PCDHGA6: variants seen among roughly 807,000 people sequenced by gnomAD.
PCDHGA6 encodes protocadherin gamma subfamily A, 6, also known as protocadherin gamma-A6.
PCDHGA6 carries 41 observed loss-of-function variants against 60.6 expected under a neutral mutation model. The ratio of observed to expected loss-of-function variants is 0.68; its 90% CI spans 0.53 to 0.88. The LOEUF (loss-of-function observed/expected upper bound fraction) is 0.88, where lower values mean the gene tolerates loss of function less well. Ranked by LOEUF, PCDHGA6 falls within the 40% of genes least tolerant of loss-of-function variation. The pLI, the probability that PCDHGA6 is intolerant of heterozygous loss-of-function variation, is 0.00. For missense variants in PCDHGA6, 1,312 were observed against 1,203.0 expected (o/e 1.09, Z -1.34); for synonymous variants, 594 against 524.4 (o/e 1.13, Z -1.81).
rs568123995 is a variant in PCDHGA6 at position 141,511,539 on chromosome 5, C to G, written c.*366C>G. The G allele has an allele frequency of 3.0e-5, 10 of 328,342 alleles. No individual in the cohort carries two copies. The highest frequency in any genetic ancestry group is 2.1e-4 in the African/African-American group (10 of 47,452). The allele number at this position is 328,342 out of a possible 1,614,324, so 20.3% of individuals were successfully genotyped here. ...CATCCCATGCCTCCCTCCTCCCCAC[C>G]CCACTCCAACAGTTCCTCTTTCCCG... On this transcript the variant is annotated 3_prime_UTR_variant, in exon 4 of 4. Transcript: ENST00000517434.
At chr5:141,384,686 A>G (rs1314292313) in intron 1 of PCDHGA6, 1 of 1,613,842 alleles carries the variant, frequency 6.2e-7, no homozygotes, top group African/African-American at 1.3e-5. Context: ...GCGGTGGACA[A>G]AGATTCAGGC....
At position 141,431,549 on chromosome 5, in the gene PCDHGA6, G is replaced by A. The variant is rs750427346; in HGVS notation, c.2424+55042G>A. ...GGCCTTGGGCACGCAGCTGCTTGTA[G>A]TCAACGCTACCGACCCTGACGAAGG... On this transcript the variant is annotated intron_variant, in intron 1 of 3. Coordinates refer to ENST00000517434, the MANE Select transcript of PCDHGA6 (RefSeq NM_018919.3). This position sits in a 1 kb window ranked among gnomAD's most constrained non-coding sequence, Gnocchi z 4.8. The A allele has an allele frequency of 6.2e-7, 1 of 1,614,156 alleles. No homozygotes were observed. Among genetic ancestry groups the A allele is most frequent in the South Asian group, 1.1e-5 (1 of 91,090 alleles).
Position 141,376,232 on chromosome 5 carries a change from C to A in PCDHGA6, c.2149C>A (p.Gln717Lys), listed in dbSNP as rs750982276. 6.7e-5 allele frequency: 108 copies of A among 1,614,106 alleles called. No homozygotes were observed. The highest frequency in any genetic ancestry group is 9.0e-5 in the Non-Finnish European group (106 of 1,180,056). ...FVIVLLALRLQRWHKSRLLQA... is the reference protein window; with the variant it reads ...FVIVLLALRLKRWHKSRLLQA... ...CATCGTGCTGCTGGCGCTCAGACTG[C>A]AGCGCTGGCACAAGTCACGCCTGCT... is the stretch of plus-strand genomic sequence containing the variant. The change falls in exon 1 of 4, where the codon CAG becomes AAG. Residue 717 changes from glutamine to lysine, a missense_variant. By Grantham distance (53) the Gln-to-Lys change is moderately conservative. Coordinates refer to ENST00000517434, the MANE Select transcript of PCDHGA6 (RefSeq NM_018919.3).
At chr5:141,418,233 A>T in intron 1 of PCDHGA6, 1 of 1,614,048 alleles carries the variant, frequency 6.2e-7, no homozygotes, top group Non-Finnish European at 8.5e-7. Flanking sequence ...GTGATTGAGG[A>T]TGTTAATGAC....
intron 1 of PCDHGA6, chr5:141,417,260 G>A (rs1362206061): frequency 1.3e-5 from 2 of 152,174 alleles, no homozygotes; most frequent in Non-Finnish European, 2.9e-5. Context: ...CAGCTTCATA[G>A]ATAATTACTC....
In PCDHGA6 at chr5:141,490,706, T is replaced by C. The variant is rs777636562; in HGVS notation, c.2425-4101T>C. On this transcript the variant is annotated intron_variant, in intron 1 of 3. Coordinates refer to ENST00000517434, the MANE Select transcript of PCDHGA6 (RefSeq NM_018919.3). This position sits in a 1 kb window ranked among gnomAD's most constrained non-coding sequence, Gnocchi z 5.4. ...CCAGACACTGGGGATAATGCCCGCC[T>C]CACCTACTCCATTGTAGGAAATCAG... is the stretch of plus-strand genomic sequence containing the variant. The C allele has an allele frequency of 6.2e-7, 1 of 1,614,074 alleles. No homozygotes were observed. Among genetic ancestry groups the C allele is most frequent in the African/African-American group, 1.3e-5 (1 of 74,948 alleles).
At chr5:141,445,767 T>C (rs2098476828) in intron 1 of PCDHGA6, among the ~76,000 whole-genome samples, 1 of 152,142 alleles carries the variant, frequency 6.6e-6, no homozygotes, top group African/African-American at 2.4e-5. Flanking sequence ...ACTCAAGCAA[T>C]TTAAAAGGGC....
At chr5:141,474,143 T>C (rs933805562) in intron 1 of PCDHGA6, among the ~76,000 whole-genome samples, 5 of 152,188 alleles carry the variant, frequency 3.3e-5, no homozygotes, top group Non-Finnish European at 5.9e-5. Flanking sequence ...CAGGCCTTAT[T>C]ATCAAGAAAA....
At chr5:141,404,129 A>C in intron 1 of PCDHGA6, 2 of 1,613,162 alleles carry the variant, frequency 1.2e-6, no homozygotes, top group Non-Finnish European at 1.7e-6. Context: ...TCTATCTTTT[A>C]CATTAGAAAA....
At chr5:141,500,244 T>C (rs1426405294) in intron 2 of PCDHGA6, among the ~76,000 whole-genome samples, 1 of 151,640 alleles carries the variant, frequency 6.6e-6, no homozygotes, top group Non-Finnish European at 1.5e-5. Context: ...AGCCTTGCTC[T>C]GTCACCCAGG....
chr5:141,408,670 T>G, intron 1 of PCDHGA6: 1 of 1,614,008 alleles, frequency 6.2e-7, no homozygotes, highest in Non-Finnish European at 8.5e-7. Context: ...CGCTTGACCC[T>G]GCCACGGATC....
rs1439786491 is a variant in PCDHGA6 at position 141,399,634 on chromosome 5, A to G, written c.2424+23127A>G. 9 of 1,613,742 alleles carry G rather than the reference A, an allele frequency of 5.6e-6. No individual in the cohort carries two copies. The highest frequency in any genetic ancestry group is 1.3e-5 in the African/African-American group (1 of 74,954). On this transcript the variant is annotated intron_variant, in intron 1 of 3. Transcript: ENST00000517434. ...TCTGGCACTGGCCTCTTACGTGTCC[A>G]TGAGCGCGCAAAGTGGGGTGGTGTT...
intron 2 of PCDHGA6, among the ~76,000 whole-genome samples, chr5:141,500,324 T>G (rs1165047676): frequency 6.6e-6 from 1 of 151,994 alleles, no homozygotes; most frequent in African/African-American, 2.4e-5. Flanking sequence ...TGCTCCTGCC[T>G]CAGCCTCCAG....
In PCDHGA6 at chr5:141,477,524, A is replaced by G. The variant is rs1302186932; in HGVS notation, c.2425-17283A>G. The stretch of plus-strand genomic sequence containing the variant: ...CTACGACGTTTACATTGAAGAAAAC[A>G]ACCTCCCCGGGGCTCCAATACTAAA... On this transcript the variant is annotated intron_variant, in intron 1 of 3. Coordinates refer to ENST00000517434, the MANE Select transcript of PCDHGA6 (RefSeq NM_018919.3). The surrounding 1 kb of genome is among the most constrained non-coding windows in gnomAD (Gnocchi z 4.9). The G allele has an allele frequency of 1.2e-6, 2 of 1,614,122 alleles. No individual in the cohort carries two copies. Among genetic ancestry groups the G allele is most frequent in the Non-Finnish European group, 1.7e-6 (2 of 1,180,022 alleles).
rs753872725 is a variant in PCDHGA6, at chr5:141,423,153, C to T, written c.2424+46646C>T. ...TGGACAGAGACGCGCTCAAGCAGAG[C>T]CTCGTGGTGGCCGTCCAGGACCACG... On this transcript the variant is annotated intron_variant, in intron 1 of 3. Transcript: ENST00000517434. The T allele has an allele frequency of 3.7e-6, 6 of 1,613,482 alleles. No homozygotes were observed. The East Asian group carries it at 8.9e-5, about 24-fold the overall frequency.
At chr5:141,384,075 T>C in intron 1 of PCDHGA6, 1 of 1,600,788 alleles carries the variant, frequency 6.2e-7, no homozygotes, top group Non-Finnish European at 8.5e-7. Context: ...ACCTACCTTT[T>C]AAATTAGAAA....
rs1193457334 is a variant in PCDHGA6 at position 141,375,486 on chromosome 5, G to T, written c.1403G>T (p.Gly468Val). The T allele has an allele frequency of 5.0e-6, 8 of 1,613,914 alleles. No homozygotes were observed. Among genetic ancestry groups the T allele is most frequent in the Non-Finnish European group, 6.8e-6 (8 of 1,179,980 alleles). ...TATGTCCTTGAAAACAACCCCAGGG[G>T]TGCCTCCATCTTCTCTGTGAATGCA... is the stretch of plus-strand genomic sequence containing the variant. The part of the protein sequence containing the change: ...SVYVLENNPR[G>V]ASIFSVNALD... Residue 468 changes from glycine (G) to valine (V), a missense_variant, in exon 1 of 4, where the codon GGT becomes GTT. Coordinates refer to ENST00000517434, the MANE Select transcript of PCDHGA6 (RefSeq NM_018919.3).
chr5:141,394,128 GC>G, intron 1 of PCDHGA6: 4 of 1,613,730 alleles, frequency 2.5e-6, no homozygotes, highest in Non-Finnish European at 3.4e-6. Context: ...AACTCAAATC[GC>G]TCTGCACGTG....
intron 1 of PCDHGA6, chr5:141,404,489 G>C: frequency 6.2e-7 from 1 of 1,613,796 alleles, no homozygotes; most frequent in Non-Finnish European, 8.5e-7. Flanking sequence ...AGACACTGGT[G>C]TGCTGTATGC....
Sources: allele counts gnomAD v4.1 joint callset (sites outside exome capture counted in the v4.1 genomes callset), GRCh38; gene constraint gnomAD v4.1.1; non-coding constraint Gnocchi (gnomAD v3.1); transcripts MANE v1.5; gene names NCBI Gene and HGNC (gene_info 2026-07-23, HGNC 2026-07-21).